Variants in SPECC1L observed in about 807,000 individuals in gnomAD.
SPECC1L encodes the protein cytospin-A.
SPECC1L carries 40 observed loss-of-function variants against 116.8 expected under a neutral mutation model. The observed-to-expected ratio is 0.34, with a 90% CI of 0.27 to 0.45. SPECC1L has a LOEUF of 0.45. SPECC1L is among the 20% of genes least tolerant of loss of function. The probability of loss-of-function intolerance (pLI) is 1.00; values close to 1 mark genes in which losing one functional copy is unlikely to be tolerated. For missense variants in SPECC1L, 1,110 were observed against 1,373.6 expected (o/e 0.81, Z 3.03); for synonymous variants, 504 against 500.6 (o/e 1.01, Z -0.09).
chr22:24,370,507 A>G lies in SPECC1L; in HGVS notation c.3087+1187A>G, dbSNP rs532159863. Among the ~76,000 whole-genome samples the G allele has an allele frequency of 2.6e-5, 4 of 152,354 alleles. No individual in the cohort carries two copies. The South Asian group carries it at 8.3e-4, about 32-fold the overall frequency. On this transcript the variant is annotated intron_variant, in intron 14 of 16. Transcript: ENST00000314328. ...ATAAAATGTTGTAACTGCTGTGGAA[A>G]ATAGTATGGCAGTTCCTCAAAAAAG...
chr22:24,328,877 C>A lies in SPECC1L; in HGVS notation c.2178C>A (p.His726Gln), dbSNP rs143769364. 4.3e-6 allele frequency: 7 copies of A among 1,613,514 alleles called. No individual in the cohort carries two copies. Among genetic ancestry groups the A allele is most frequent in the South Asian group, 1.1e-5 (1 of 91,072 alleles). Residue 726 changes from histidine to glutamine, a missense_variant, in exon 7 of 17, where the codon CAC (histidine) becomes CAA (glutamine). His to Gln is a conservative substitution (Grantham distance 24). Coordinates refer to ENST00000314328, the MANE Select transcript of SPECC1L (RefSeq NM_015330.6). ...TTAAAAAACTCCAGGACCAAAAGCA[C>A]GACATGGAAAGAGAAATAAAGACAC... The part of the protein sequence containing the change: ...NTVKKLQDQK[H>Q]DMEREIKTLH...
intron 4 of SPECC1L, among the ~76,000 whole-genome samples, chr22:24,313,742 CTTTTT>C (rs1350275306): frequency 1.5e-5 from 2 of 129,956 alleles, no homozygotes; most frequent in African/African-American, 2.9e-5. Flanking sequence ...GAGAAGGATT[CTTTTT>C]TTTTTTTTTT....
intron 2 of SPECC1L, among the ~76,000 whole-genome samples, chr22:24,290,932 G>A (rs1281956864): frequency 2.1e-5 from 3 of 141,926 alleles, no homozygotes; most frequent in Non-Finnish European, 4.5e-5. Context: ...TAAGACACAT[G>A]TTTTATCAAA....
intron 1 of SPECC1L, among the ~76,000 whole-genome samples, chr22:24,274,480 C>G (rs1222592025): frequency 1.3e-5 from 2 of 152,206 alleles, no homozygotes; most frequent in South Asian, 4.1e-4. Flanking sequence ...ATATCTACTT[C>G]TTCAGAATAG....
In SPECC1L at chr22:24,322,335, A is replaced by G. The variant is rs1320412246; in HGVS notation, c.1355A>G (p.Gln452Arg). ...ATTCTGATGGAGTCTTTATGTCAGCAGAGCGATAAGTTGGAACACTTTAGT... is the reference window on the plus strand; with the variant it reads ...ATTCTGATGGAGTCTTTATGTCAGCGGAGCGATAAGTTGGAACACTTTAGT... ...KVILMESLCQ[Q>R]SDKLEHFSRQ... Residue 452 changes from glutamine to arginine, a missense_variant, in exon 5 of 17, where the codon CAG becomes CGG. This residue lies in a region of SPECC1L where 575 missense variants were observed against 682.4 expected (regional missense o/e 0.84). Transcript: ENST00000314328. The G allele has an allele frequency of 6.2e-7, 1 of 1,614,268 alleles. No homozygotes were observed. Among genetic ancestry groups the G allele is most frequent in the Admixed American group, 1.7e-5 (1 of 60,034 alleles).
intron 11 of SPECC1L, among the ~76,000 whole-genome samples, chr22:24,353,442 T>A (rs2041465603): frequency 6.6e-6 from 1 of 152,150 alleles, no homozygotes; most frequent in African/African-American, 2.4e-5. Flanking sequence ...GTTTTTTGTT[T>A]GTTTGTTTTG....
rs140219873 is a variant in SPECC1L, at chr22:24,283,915, C to T, written c.-38+7112C>T. Among the ~76,000 whole-genome samples the T allele has an allele frequency of 6.0e-3, 918 of 152,182 alleles. 8 individuals carry two copies. The highest frequency in any genetic ancestry group is 9.9e-3 in the Non-Finnish European group (671 of 68,020). ...TGGTTTCTAACAGTCTCTTATTTTC[C>T]TCTGATAGCTGTAGAATCTGTAGTG... is the stretch of plus-strand genomic sequence containing the variant. On this transcript the variant is annotated intron_variant, in intron 2 of 16. Transcript: ENST00000314328.
chr22:24,374,541 G>A (rs2041934420), intron 14 of SPECC1L, among the ~76,000 whole-genome samples: 1 of 147,028 alleles, frequency 6.8e-6, no homozygotes, highest in African/African-American at 2.5e-5. Flanking sequence ...AACAAACACT[G>A]CATGTTCTCA....
At chr22:24,288,183 T>G (rs1314356695) in intron 2 of SPECC1L, among the ~76,000 whole-genome samples, 7 of 152,202 alleles carry the variant, frequency 4.6e-5, no homozygotes, top group Admixed American at 4.6e-4. Flanking sequence ...AAACCCTTCC[T>G]TCCAAGTTTA....
rs1264524826 is a variant in SPECC1L at position 24,322,378 on chromosome 22, C to T, written c.1398C>T (p.Phe466=). 1.8e-5 allele frequency: 29 copies of T among 1,614,078 alleles called. No individual in the cohort carries two copies. The highest frequency in any genetic ancestry group is 2.4e-5 in the Non-Finnish European group (28 of 1,180,058). Residue 466 remains phenylalanine (F), a synonymous_variant, in exon 5 of 17, where the codon TTC becomes TTT. Coordinates refer to ENST00000314328, the MANE Select transcript of SPECC1L (RefSeq NM_015330.6). ...LEHFSRQIEY[F]RSLLDEHHIS... ...ACTTTAGTCGACAGATTGAATACTT[C>T]CGCTCTCTTCTAGATGAGCATCACA...
intron 1 of SPECC1L, among the ~76,000 whole-genome samples, chr22:24,273,537 G>T (rs142139248): frequency 6.6e-6 from 1 of 152,110 alleles, no homozygotes; most frequent in Non-Finnish European, 1.5e-5. Flanking sequence ...AAAGAGAGCC[G>T]AGAATCTCTT....
At chr22:24,271,464 C>G (rs1296082145) in intron 1 of SPECC1L, among the ~76,000 whole-genome samples, 4 of 152,246 alleles carry the variant, frequency 2.6e-5, no homozygotes, top group Non-Finnish European at 5.9e-5. Flanking sequence ...GGCCTGCTGC[C>G]GGTGCTGCTT....
chr22:24,309,408 AT>A (rs199820477), intron 3 of SPECC1L, among the ~76,000 whole-genome samples: 52 of 151,666 alleles, frequency 3.4e-4, no homozygotes, highest in African/African-American at 1.2e-3. Flanking sequence ...CTGAAGTTCA[AT>A]TTTTTTTTCT....
chr22:24,343,062 T>C (rs939093806), intron 10 of SPECC1L, among the ~76,000 whole-genome samples: 1 of 152,088 alleles, frequency 6.6e-6, no homozygotes, highest in East Asian at 1.9e-4. Flanking sequence ...GGCATGGTGG[T>C]GTGTGCCTGT....
chr22:24,409,811 G>A (rs2042657970), intron 14 of SPECC1L, among the ~76,000 whole-genome samples: 1 of 152,174 alleles, frequency 6.6e-6, no homozygotes, highest in Non-Finnish European at 1.5e-5. Context: ...CATCGCTTGA[G>A]CTCAGGAGTT....
At position 24,417,390 on chromosome 22, in the gene SPECC1L, C is replaced by T. The variant is rs2042821079; in HGVS notation, c.*2767C>T. 3 of 152,346 alleles carry T rather than the reference C, an allele frequency of 2.0e-5. No individual in the cohort carries two copies. The highest frequency in any genetic ancestry group is 2.1e-4 in the South Asian group (1 of 4,834). 9.4% of individuals were successfully genotyped at this position (152,346 alleles called of 1,614,324 possible). On this transcript the variant is annotated 3_prime_UTR_variant, in exon 17 of 17. Coordinates refer to ENST00000314328, the MANE Select transcript of SPECC1L (RefSeq NM_015330.6). ...CAGCCTGTGGCCCTACCCCAAGGCG[C>T]ACTTCCTCATGTGGGCAGATCCTGA...
At chr22:24,310,535 G>A (rs2040442225) in intron 3 of SPECC1L, among the ~76,000 whole-genome samples, 1 of 152,178 alleles carries the variant, frequency 6.6e-6, no homozygotes, top group South Asian at 2.1e-4. Flanking sequence ...TTACCAATCT[G>A]TTAAGTGACA....
At chr22:24,301,846 AC>A (rs1236541078) in intron 2 of SPECC1L, among the ~76,000 whole-genome samples, 2 of 152,222 alleles carry the variant, frequency 1.3e-5, no homozygotes, top group South Asian at 2.1e-4. Flanking sequence ...GGAGATCGAG[AC>A]CATCCTGGCT....
intron 14 of SPECC1L, among the ~76,000 whole-genome samples, chr22:24,389,687 A>G (rs1279150895): frequency 6.6e-6 from 1 of 152,178 alleles, no homozygotes; most frequent in African/African-American, 2.4e-5. Flanking sequence ...GTCCCCATAG[A>G]TTGAAGAATC....
Sources: allele counts gnomAD v4.1 joint callset (sites outside exome capture counted in the v4.1 genomes callset), GRCh38; gene constraint gnomAD v4.1.1; regional missense constraint gnomAD v4.1.1; transcripts MANE v1.5; gene names NCBI Gene and HGNC (gene_info 2026-07-23, HGNC 2026-07-21).